PDIA6: variants seen among roughly 807,000 people sequenced by gnomAD.
PDIA6 encodes protein disulfide isomerase family A member 6.
Under a neutral mutation model 58.4 loss-of-function variants are expected in PDIA6, and 29 were observed. The observed-to-expected ratio is 0.50, with a 90% CI of 0.37 to 0.68. PDIA6 has a LOEUF of 0.68. Among genes scored for constraint, PDIA6 ranks in the 30% least tolerant of loss-of-function variants. The pLI is 0.00. For missense variants in PDIA6, 480 were observed against 551.0 expected (o/e 0.87, Z 1.29); for synonymous variants, 192 against 202.6 (o/e 0.95, Z 0.44).
chr2:10,834,316 GTGCTTT>G (rs1667776403), upstream of PDIA6, among the ~76,000 whole-genome samples: 1 of 152,264 alleles, frequency 6.6e-6, no homozygotes. Flanking sequence ...CTGCAGCAGT[GTGCTTT>G]GGAGAGAAAG....
upstream of PDIA6, among the ~76,000 whole-genome samples, chr2:10,833,466 GGTAATAAGCCTCACAGCCAA>G (rs1667758202): frequency 6.6e-6 from 1 of 152,180 alleles, no homozygotes; most frequent in African/African-American, 2.4e-5. Context: ...ACCACAGTGG[GGTAATAAGCCTCACAGCCAA>G]GGGGAGTGGC....
chr2:10,796,056 A>G (rs1411920182), intron 4 of PDIA6, among the ~76,000 whole-genome samples: 5 of 101,852 alleles, frequency 4.9e-5, no homozygotes, highest in Non-Finnish European at 8.9e-5. Flanking sequence ...TCTGTTTGTG[A>G]TATCTTTTTT....
At chr2:10,807,206 A>G (rs1180776559) in intron 1 of PDIA6, among the ~76,000 whole-genome samples, 2 of 152,174 alleles carry the variant, frequency 1.3e-5, no homozygotes, top group Non-Finnish European at 2.9e-5. Context: ...ATTGAAATAA[A>G]TACACTTTTT....
chr2:10,821,296 C>T (rs1373533685), intron 1 of PDIA6: 1 of 163,252 alleles, frequency 6.1e-6, no homozygotes, highest in Admixed American at 6.0e-5. Context: ...TTCGGTTAAT[C>T]AATTTTACCT....
intron 4 of PDIA6, among the ~76,000 whole-genome samples, chr2:10,793,615 C>T (rs1206528466): frequency 6.6e-6 from 1 of 152,154 alleles, no homozygotes; most frequent in Non-Finnish European, 1.5e-5. Context: ...CCGCCCACCT[C>T]AGCCTCTCAA....
At chr2:10,827,020 T>C (rs1734403) in intron 1 of PDIA6, among the ~76,000 whole-genome samples, 96,284 of 151,892 alleles carry the variant, frequency 0.63, 30,759 homozygotes, top group East Asian at 0.8. Context: ...TCATCAAACT[T>C]GGTGTTTAGT....
chr2:10,795,750 C>T (rs1454492285), intron 4 of PDIA6, among the ~76,000 whole-genome samples: 2 of 152,122 alleles, frequency 1.3e-5, no homozygotes, highest in African/African-American at 4.8e-5. Flanking sequence ...GATTCTGTAC[C>T]CCTCACCCCT....
At chr2:10,820,011 A>G (rs1389934684) in intron 1 of PDIA6, among the ~76,000 whole-genome samples, 1 of 152,324 alleles carries the variant, frequency 6.6e-6, no homozygotes, top group East Asian at 1.9e-4. Flanking sequence ...GCAGTTAGAT[A>G]TGACTAGTCT....
chr2:10,792,156 T>C (rs1666064870), intron 5 of PDIA6, among the ~76,000 whole-genome samples: 1 of 152,208 alleles, frequency 6.6e-6, no homozygotes, highest in African/African-American at 2.4e-5. Context: ...GTACAACACA[T>C]AACCTGTACC....
intron 2 of PDIA6, among the ~76,000 whole-genome samples, chr2:10,819,025 T>C (rs927560770): frequency 6.6e-6 from 1 of 152,222 alleles, no homozygotes; most frequent in Admixed American, 6.5e-5. Flanking sequence ...AGACATCTCA[T>C]GTAAGTAGAA....
chr2:10,783,984 G>C lies in PDIA6; in HGVS notation c.*274C>G, dbSNP rs1158293897. 1 of 276,050 alleles carries C rather than the reference G, an allele frequency of 3.6e-6. No homozygotes were observed. Among genetic ancestry groups the C allele is most frequent in the Non-Finnish European group, 6.7e-6 (1 of 149,200 alleles). 17.1% of individuals were successfully genotyped at this position (276,050 alleles called of 1,614,324 possible). On this transcript the variant is annotated 3_prime_UTR_variant, in exon 13 of 13. Transcript: ENST00000272227. ...CAAGAACATTCAAGCAGCAGTCAGA[G>C]AGAAAAATGTTTCGACAGCCAAGTT...
upstream of PDIA6, among the ~76,000 whole-genome samples, chr2:10,816,513 C>A (rs1442503157): frequency 7.3e-6 from 1 of 137,706 alleles, no homozygotes; most frequent in Non-Finnish European, 1.6e-5. Flanking sequence ...TTTTCATGCC[C>A]TTTTTGTGCT....
intron 4 of PDIA6, among the ~76,000 whole-genome samples, chr2:10,794,463 TC>T (rs1666178266): frequency 3.0e-5 from 1 of 33,006 alleles, no homozygotes; most frequent in Admixed American, 3.6e-4. Context: ...AAAAAAAAAA[TC>T]TTTCTTTTTT....
At chr2:10,818,322 CCTGA>C (rs1053595258) in intron 2 of PDIA6, among the ~76,000 whole-genome samples, 23 of 150,858 alleles carry the variant, frequency 1.5e-4, no homozygotes, top group African/African-American at 4.4e-4. Context: ...CCACAACACA[CCTGA>C]CTAATTTCTG....
exon 1 of PDIA6, chr2:10,837,573 C>A (rs1359537117): frequency 1.3e-6 from 1 of 798,752 alleles, no homozygotes; most frequent in South Asian, 1.4e-5. Flanking sequence ...ATCCTCGGGA[C>A]ACTTTGGAGG....
chr2:10,812,556 C>CCCT, intron 1 of PDIA6, 122 bp downstream of exon 1: 1 of 1,032,258 alleles, frequency 9.7e-7, no homozygotes, highest in Non-Finnish European at 1.3e-6. Flanking sequence ...GCCCGCGCCT[C>CCCT]CCGCCCGCCA....
At chr2:10,784,590 C>CTGT in intron 12 of PDIA6, 1 of 522,328 alleles carries the variant, frequency 1.9e-6, no homozygotes, top group Non-Finnish European at 3.4e-6. Context: ...GAGGGTGGGA[C>CTGT]ACAACAGTAC....
At chr2:10,806,650 A>AAAAGAAAGAAAGAAAGAAAGAAAG (rs1553339954) in intron 1 of PDIA6, among the ~76,000 whole-genome samples, 4 of 62,990 alleles carry the variant, frequency 6.4e-5, no homozygotes, top group African/African-American at 1.5e-4. Flanking sequence ...AAGAAAGAAA[A>AAAAGAAAGAAAGAAAGAAAGAAAG]ACGTTACAGT....
chr2:10,791,787 G>C lies in PDIA6; in HGVS notation c.584+8C>G. On this transcript the variant is annotated splice_region_variant and intron_variant, in intron 6 of 12. Transcript: ENST00000272227. ...GAATGAACAGACTACTTAGTAGAAG[G>C]CACTTACTTTTTGCAGTGTCCACAC... is the stretch of plus-strand genomic sequence containing the variant. 8 of 1,611,490 alleles carry C rather than the reference G, an allele frequency of 5.0e-6. No individual in the cohort carries two copies. Among genetic ancestry groups the C allele is most frequent in the Non-Finnish European group, 6.8e-6 (8 of 1,179,044 alleles).
Sources: allele counts gnomAD v4.1 joint callset (sites outside exome capture counted in the v4.1 genomes callset), GRCh38; gene constraint gnomAD v4.1.1; transcripts MANE v1.5; gene names NCBI Gene and HGNC (gene_info 2026-07-23, HGNC 2026-07-21).